The following DIP2C variants were observed in gnomAD, a reference collection of about 807,000 sequenced individuals.
DIP2C encodes the protein disco-interacting protein 2 homolog C.
DIP2C carries 33 observed loss-of-function variants against 192.4 expected under a neutral mutation model. The ratio of observed to expected loss-of-function variants is 0.17; its 90% CI spans 0.13 to 0.23. DIP2C has a LOEUF of 0.23. Ranked by LOEUF, DIP2C falls within the 10% of genes least tolerant of loss-of-function variation. DIP2C has a pLI of 1.00. For synonymous variants in DIP2C, 979 were observed against 864.1 expected (o/e 1.13, Z -2.33); for missense variants, 1,537 against 2,110.1 (o/e 0.73, Z 5.32).
At chr10:433,442 C>G (rs751803001) in intron 4 of DIP2C, among the ~76,000 whole-genome samples, 1 of 151,848 alleles carries the variant, frequency 6.6e-6, no homozygotes, top group African/African-American at 2.4e-5. Flanking sequence ...TTTAGGAGGC[C>G]GAGGCAGGAT....
chr10:401,873 G>C (rs1445343584), intron 9 of DIP2C, among the ~76,000 whole-genome samples: 4 of 150,678 alleles, frequency 2.7e-5, no homozygotes, highest in South Asian at 2.1e-4. Context: ...GGACAAGTTT[G>C]GTACATTTTC....
chr10:578,364 A>C (rs538563042), intron 1 of DIP2C, among the ~76,000 whole-genome samples: 49 of 152,326 alleles, frequency 3.2e-4, no homozygotes, highest in African/African-American at 8.9e-4. Flanking sequence ...GCGACTTCTC[A>C]TTTATTGAGC....
chr10:368,976 G>C lies in DIP2C; in HGVS notation c.2131+518C>G, dbSNP rs556502196. On this transcript the variant is annotated intron_variant, in intron 18 of 36. Transcript: ENST00000280886. ...CCTCGTGGGGCTGGTGGGGAGGCAC[G>C]GCGGGCCCTGCAGCTGGGCGCTTCC... Among the ~76,000 whole-genome samples, 5 of 152,362 alleles carry C rather than the reference G, an allele frequency of 3.3e-5. No individual in the cohort carries two copies. The East Asian group carries it at 5.8e-4, about 18-fold the overall frequency.
At chr10:617,656 C>A (rs1853562526) in intron 1 of DIP2C, among the ~76,000 whole-genome samples, 2 of 90,014 alleles carry the variant, frequency 2.2e-5, no homozygotes, top group African/African-American at 1.5e-4. Flanking sequence ...GTGGATACCA[C>A]CCCCCCACCC....
At chr10:623,143 G>A (rs1056327719) in intron 1 of DIP2C, among the ~76,000 whole-genome samples, 1 of 152,166 alleles carries the variant, frequency 6.6e-6, no homozygotes, top group Admixed American at 6.5e-5. Context: ...GAGCACGCGT[G>A]TGAAGATTCA....
In DIP2C at chr10:414,739, G is replaced by GTGTGTGTGTATATATATA; in HGVS notation, c.860-630_860-629insTATATATATACACACACA. On this transcript the variant is annotated intron_variant, in intron 7 of 36. Transcript: ENST00000280886. The stretch of plus-strand genomic sequence containing the variant: ...TGTGTGTGTGTGTGTGTGTGTGTGT[G>GTGTGTGTGTATATATATA]TACATATATATATATATAATGTGTA... Among the ~76,000 whole-genome samples the GTGTGTGTGTATATATATA allele has an allele frequency of 8.8e-3, 792 of 90,484 alleles. 51 individuals are homozygous for GTGTGTGTGTATATATATA. The highest frequency in any genetic ancestry group is 0.015 in the South Asian group (37 of 2,508). The allele number at this position is 90,484 out of a possible 152,430, so 59.4% of individuals were successfully genotyped here.
Position 639,953 on chromosome 10 carries a change from G to A in DIP2C, c.85+49541C>T, listed in dbSNP as rs971945013. On this transcript the variant is annotated intron_variant, in intron 1 of 36. Transcript: ENST00000280886. Reference sequence around the variant, plus strand: ...CCGCTGACCACGCGGCATCTGCTGGGCACTCTGCGCGCTTTCTCCCACACC... The same window carrying A: ...CCGCTGACCACGCGGCATCTGCTGGACACTCTGCGCGCTTTCTCCCACACC... 2.6e-5 allele frequency among the ~76,000 whole-genome samples: 4 copies of A among 152,166 alleles called. No homozygotes were observed. In the East Asian group the frequency reaches 5.8e-4, roughly 22 times the overall value.
At chr10:347,425 C>T in intron 26 of DIP2C, among the ~76,000 whole-genome samples, 2 of 148,566 alleles carry the variant, frequency 1.3e-5, no homozygotes, top group African/African-American at 5.0e-5. Context: ...GCATAGTTCT[C>T]CCGGAAACGT....
At chr10:626,615 T>G (rs1174114328) in intron 1 of DIP2C, among the ~76,000 whole-genome samples, 1 of 152,016 alleles carries the variant, frequency 6.6e-6, no homozygotes, top group African/African-American at 2.4e-5. Flanking sequence ...GAGGCTCAGC[T>G]GCACCCAGAG....
At chr10:375,357 C>A (rs1451384856) in intron 17 of DIP2C, among the ~76,000 whole-genome samples, 1 of 152,202 alleles carries the variant, frequency 6.6e-6, no homozygotes, top group Non-Finnish European at 1.5e-5. Context: ...CTTCCTGAGG[C>A]CTCACCAGGA....
chr10:604,418 A>C (rs1588575449), intron 1 of DIP2C, among the ~76,000 whole-genome samples: 2 of 152,220 alleles, frequency 1.3e-5, no homozygotes, highest in Non-Finnish European at 2.9e-5. Context: ...AGGGATGAAC[A>C]CATTCGGAAC....
chr10:349,074 C>A (rs1234885483), intron 25 of DIP2C, among the ~76,000 whole-genome samples: 1 of 152,222 alleles, frequency 6.6e-6, no homozygotes, highest in East Asian at 1.9e-4. Flanking sequence ...CCTGAGGTAT[C>A]TAATAACACA....
At chr10:417,617 C>A (rs1479198384) in intron 6 of DIP2C, among the ~76,000 whole-genome samples, 4 of 146,274 alleles carry the variant, frequency 2.7e-5, no homozygotes, top group African/African-American at 5.1e-5. Flanking sequence ...TCCCTGTCTG[C>A]CTGCGCCTGT....
chr10:544,446 T>C (rs2130915999), intron 1 of DIP2C, among the ~76,000 whole-genome samples: 1 of 152,372 alleles, frequency 6.6e-6, no homozygotes, highest in African/African-American at 2.4e-5. Context: ...CTTGGGCATA[T>C]GCCTGGGAGT....
intron 1 of DIP2C, among the ~76,000 whole-genome samples, chr10:513,438 C>G (rs1230086584): frequency 6.6e-6 from 1 of 152,254 alleles, no homozygotes; most frequent in Admixed American, 6.5e-5. Flanking sequence ...CTGCAGCCCG[C>G]ACCTCTCATC....
At chr10:686,396 G>A (rs533379344) in intron 1 of DIP2C, among the ~76,000 whole-genome samples, 3 of 146,932 alleles carry the variant, frequency 2.0e-5, no homozygotes, top group East Asian at 4.0e-4. Context: ...AGGGGCCTCC[G>A]CACCCTCATG....
chr10:371,742 G>A (rs1055959591), intron 17 of DIP2C, among the ~76,000 whole-genome samples: 1 of 152,120 alleles, frequency 6.6e-6, no homozygotes, highest in Non-Finnish European at 1.5e-5. Context: ...GGGAGGCTGC[G>A]GTCAGGCCTG....
intron 4 of DIP2C, among the ~76,000 whole-genome samples, chr10:425,773 G>T (rs1396933445): frequency 6.6e-6 from 1 of 152,228 alleles, no homozygotes; most frequent in African/African-American, 2.4e-5. Context: ...AGAATTATGG[G>T]AGTAGAACCG....
intron 1 of DIP2C, among the ~76,000 whole-genome samples, chr10:580,346 C>A (rs2131583723): frequency 6.6e-6 from 1 of 152,232 alleles, no homozygotes; most frequent in South Asian, 2.1e-4. Context: ...GCGTAGTGTA[C>A]ATGCATGCTT....
Sources: allele counts gnomAD v4.1 joint callset (sites outside exome capture counted in the v4.1 genomes callset), GRCh38; gene constraint gnomAD v4.1.1; transcripts MANE v1.5; gene names NCBI Gene and HGNC (gene_info 2026-07-23, HGNC 2026-07-21).